Variants in KLC2 observed in about 807,000 individuals in gnomAD.
KLC2 encodes the protein kinesin light chain 2.
KLC2 carries 35 observed loss-of-function variants against 75.1 expected under a neutral mutation model. The observed-to-expected ratio is 0.47, with a 90% CI of 0.36 to 0.62. The LOEUF is 0.62. KLC2 is among the 20% of genes least tolerant of loss of function. The pLI, the probability that KLC2 is intolerant of heterozygous loss-of-function variation, is 0.00. For missense variants in KLC2, 611 were observed against 833.2 expected, an observed-to-expected ratio of 0.73 and a Z score of 3.28; for synonymous variants, 314 against 336.7, an observed-to-expected ratio of 0.93 and a Z score of 0.74.
In KLC2 at chr11:66,267,587, A is replaced by T; in HGVS notation, c.*631A>T. ...CATCGCCCCGTGGCCCAGGACGGGG[A>T]CCTCCCCTTAGTCCGTCCTCCCACC... On this transcript the variant is annotated 3_prime_UTR_variant, in exon 16 of 16. Transcript: ENST00000394067. The T allele has an allele frequency of 1.7e-6, 1 of 599,472 alleles. No homozygotes were observed. The highest frequency in any genetic ancestry group is 3.0e-6 in the Non-Finnish European group (1 of 332,216). 37.1% of individuals were successfully genotyped at this position (599,472 alleles called of 1,614,324 possible). A position where few individuals can be genotyped will look rare whatever the true frequency, so the allele number is the denominator to read the frequency against.
chr11:66,265,346 A>G lies in KLC2; in HGVS notation c.1334+111A>G, dbSNP rs953829123. 4 of 928,392 alleles carry G rather than the reference A, an allele frequency of 4.3e-6. No homozygotes were observed. In the African/African-American group the frequency reaches 6.6e-5, roughly 15 times the overall value. 57.5% of individuals were successfully genotyped at this position (928,392 alleles called of 1,614,324 possible). ...TCTGCTGCTCATCTGGCAAGGCCCA[A>G]CTCACAGGTCACCTGTCCCAAGAAG... is the stretch of plus-strand genomic sequence containing the variant. On this transcript the variant is annotated intron_variant, in intron 11 of 15. Transcript: ENST00000394067.
In KLC2 at chr11:66,264,173, G is replaced by A. The variant is rs1307342908; in HGVS notation, c.1070G>A (p.Arg357His). The change falls in exon 8 of 16, where the codon CGC becomes CAC. Residue 357 changes from arginine (R) to histidine (H), a missense_variant. Physicochemically the swap from Arg to His is conservative, Grantham distance 29. Transcript: ENST00000394067. The part of the protein sequence containing the change: ...YRRALEIYAT[R>H]LGPDDPNVAK... ...CGGGCACTGGAGATCTATGCTACAC[G>A]CCTCGGGCCCGATGACCCCAATGTG... The A allele has an allele frequency of 3.8e-6, 6 of 1,572,502 alleles. No homozygotes were observed. Among genetic ancestry groups the A allele is most frequent in the Admixed American group, 3.8e-5 (2 of 53,260 alleles).
intron 5 of KLC2, 83 bp downstream of exon 5, chr11:66,263,119 G>C: frequency 9.8e-6 from 10 of 1,018,192 alleles, no homozygotes; most frequent in Non-Finnish European, 1.5e-5. Flanking sequence ...CTGTGGGCCA[G>C]GACTCGTGGC....
At position 66,266,193 on chromosome 11, in the gene KLC2, C is replaced by T; in HGVS notation, c.1703C>T (p.Thr568Ile). Reference sequence around the variant, plus strand: ...CTGGTAAAGAAGCTGCAGGGGGGCACCCCCCAGGAGCCCCCTAACCCCAGG... The same window carrying T: ...CTGGTAAAGAAGCTGCAGGGGGGCATCCCCCAGGAGCCCCCTAACCCCAGG... ...EMLVKKLQGG[T>I]PQEPPNPRMK... The change falls in exon 14 of 16, where the codon ACC (threonine) becomes ATC (isoleucine). Residue 568 changes from threonine to isoleucine, a missense_variant. By Grantham distance (89) the Thr-to-Ile change is moderately conservative (BLOSUM62 -1). Coordinates refer to ENST00000394067, the MANE Select transcript of KLC2 (RefSeq NM_001318734.2). 6.2e-7 allele frequency: 1 copy of T among 1,607,540 alleles called. No individual in the cohort carries two copies. The highest frequency in any genetic ancestry group is 8.5e-7 in the Non-Finnish European group (1 of 1,176,628).
intron 2 of KLC2, 89 bp from the exon 3 acceptor site, chr11:66,261,653 C>T (rs1046615080): frequency 1.3e-6 from 1 of 786,184 alleles, no homozygotes; most frequent in African/African-American, 1.7e-5. Flanking sequence ...TGGCCCTTCA[C>T]TGGGTGCCAG....
chr11:66,248,304 G>A, the KLC2 span, among the ~76,000 whole-genome samples: 2 of 152,094 alleles, frequency 1.3e-5, no homozygotes, highest in Non-Finnish European at 2.9e-5. Flanking sequence ...TGAGTCAATC[G>A]TGATGCACGA....
intron 11 of KLC2, 155 bp downstream of exon 11, chr11:66,265,390 C>G: frequency 1.4e-6 from 1 of 727,866 alleles, no homozygotes; most frequent in Non-Finnish European, 2.3e-6. Context: ...TCCCAATTCT[C>G]AGCCTAATTC....
Position 66,267,620 on chromosome 11 carries a change from C to A in KLC2, c.*664C>A, listed in dbSNP as rs542792469. 2 of 598,560 alleles carry A rather than the reference C, an allele frequency of 3.3e-6. No homozygotes were observed. The highest frequency in any genetic ancestry group is 6.0e-6 in the Non-Finnish European group (2 of 334,662). The allele number at this position is 598,560 out of a possible 1,614,324, so 37.1% of individuals were successfully genotyped here. A position where few individuals can be genotyped will look rare whatever the true frequency, so the allele number is the denominator to read the frequency against. ...TTAGTCCGTCCTCCCACCGCCGGGC[C>A]CTGCCCCGCATCCCGGCCTTATGCA... On this transcript the variant is annotated 3_prime_UTR_variant, in exon 16 of 16. Coordinates refer to ENST00000394067, the MANE Select transcript of KLC2 (RefSeq NM_001318734.2).
intron 11 of KLC2, 96 bp downstream of exon 11, chr11:66,265,331 AT>A: frequency 9.1e-7 from 1 of 1,103,148 alleles, no homozygotes; most frequent in East Asian, 2.5e-5. Flanking sequence ...TCTGCTGCTC[AT>A]CTGGCAAGGC....
chr11:66,246,694 T>C, the KLC2 span, among the ~76,000 whole-genome samples: 2 of 152,224 alleles, frequency 1.3e-5, no homozygotes, highest in Non-Finnish European at 2.9e-5. Flanking sequence ...AAGAGCTGTG[T>C]GTGTTCCCCG....
chr11:66,263,146 G>A (rs1856557573), intron 5 of KLC2, 110 bp downstream of exon 5: 1 of 744,688 alleles, frequency 1.3e-6, no homozygotes, highest in Admixed American at 2.5e-5. Context: ...GCGTGGAGCT[G>A]GGCTACAGAT....
intron 11 of KLC2, 125 bp from the exon 12 acceptor site, chr11:66,265,530 C>T: frequency 1.2e-6 from 1 of 819,906 alleles, no homozygotes; most frequent in Non-Finnish European, 1.9e-6. Flanking sequence ...CAGGGCTTGA[C>T]ATGGGAAGGA....
At chr11:66,250,985 T>TG in the KLC2 span, among the ~76,000 whole-genome samples, 1 of 152,086 alleles carries the variant, frequency 6.6e-6, no homozygotes, top group African/African-American at 2.4e-5. Flanking sequence ...GGCAGAGAAG[T>TG]GAGACGACAT....
the KLC2 span, among the ~76,000 whole-genome samples, chr11:66,251,919 T>A: frequency 2.6e-5 from 4 of 152,200 alleles, no homozygotes; most frequent in Admixed American, 2.6e-4. Flanking sequence ...GGGACTGATC[T>A]GGGCCAGAGA....
chr11:66,266,430 C>T lies in KLC2; in HGVS notation c.1728-3C>T. Reference sequence around the variant, plus strand: ...CAAATCCCAGGCTGTCCTTTTCCCTCAGGATGAAGCGGGCCAGTTCCCTCA... The same window carrying T: ...CAAATCCCAGGCTGTCCTTTTCCCTTAGGATGAAGCGGGCCAGTTCCCTCA... On this transcript the variant is annotated splice_polypyrimidine_tract_variant and splice_region_variant and intron_variant, in intron 14 of 15. Coordinates refer to ENST00000394067, the MANE Select transcript of KLC2 (RefSeq NM_001318734.2). The T allele has an allele frequency of 6.2e-7, 1 of 1,601,346 alleles. No individual in the cohort carries two copies. The highest frequency in any genetic ancestry group is 8.5e-7 in the Non-Finnish European group (1 of 1,171,722).
At chr11:66,265,589 G>T in intron 11 of KLC2, 66 bp from the exon 12 acceptor site, 1 of 1,343,554 alleles carries the variant, frequency 7.4e-7, no homozygotes, top group East Asian at 2.4e-5. Context: ...GGCCCACTGT[G>T]GGCTGGGTGC....
rs772513334 is a variant in KLC2, at chr11:66,258,842, T to G, written c.228+20T>G. 6.4e-7 allele frequency: 1 copy of G among 1,559,556 alleles called. No homozygotes were observed. Among genetic ancestry groups the G allele is most frequent in the South Asian group, 1.1e-5 (1 of 89,846 alleles). The stretch of plus-strand genomic sequence containing the variant: ...GCCCAGGTAGGTCAGTCTGGGGCAC[T>G]GAGGTGGGAGGTCACTGGAGGGATC... On this transcript the variant is annotated intron_variant, in intron 2 of 15. Coordinates refer to ENST00000394067, the MANE Select transcript of KLC2 (RefSeq NM_001318734.2).
the KLC2 span, among the ~76,000 whole-genome samples, chr11:66,249,563 G>T: frequency 6.6e-6 from 1 of 152,128 alleles, no homozygotes; most frequent in Non-Finnish European, 1.5e-5. Context: ...GCCTTATATG[G>T]TTTATTTCAT....
chr11:66,247,851 CAA>C, the KLC2 span, among the ~76,000 whole-genome samples: 2 of 152,182 alleles, frequency 1.3e-5, no homozygotes, highest in Non-Finnish European at 2.9e-5. Flanking sequence ...ATGTGCTACT[CAA>C]GACATTTTAA....
Sources: gnomAD v4.1 joint callset for allele counts (sites outside exome capture counted in the v4.1 genomes callset) on GRCh38, gnomAD v4.1.1 for gene constraint, MANE v1.5 for transcripts, NCBI Gene and HGNC (gene_info 2026-07-23, HGNC 2026-07-21) for gene names.